Variants in FAM171A1 observed in about 807,000 individuals in gnomAD.
FAM171A1 encodes the protein family with sequence similarity 171 member A1.
FAM171A1 carries 23 observed loss-of-function variants against 74.9 expected under a neutral mutation model. That is an observed-to-expected ratio of 0.31 (90% CI 0.22 to 0.44). The LOEUF (loss-of-function observed/expected upper bound fraction) is 0.44, where lower values mean the gene tolerates loss of function less well. Among genes scored for constraint, FAM171A1 ranks in the 20% least tolerant of loss-of-function variants. The pLI is 1.00. For synonymous variants in FAM171A1, 527 were observed against 505.7 expected, an observed-to-expected ratio of 1.04 and a Z score of -0.57; for missense variants, 1,162 against 1,159.2, an observed-to-expected ratio of 1.00 and a Z score of -0.03.
At chr10:15,296,023 A>C (rs1835157120) in intron 1 of FAM171A1, among the ~76,000 whole-genome samples, 1 of 152,184 alleles carries the variant, frequency 6.6e-6, no homozygotes, top group Non-Finnish European at 1.5e-5. Context: ...TGGTGTTAGA[A>C]TTTTACAATA....
intron 1 of FAM171A1, among the ~76,000 whole-genome samples, chr10:15,290,045 T>C (rs1835084796): frequency 6.6e-6 from 1 of 152,084 alleles, no homozygotes. Context: ...GCGGCCAACA[T>C]AGTGAAACCC....
chr10:15,248,450 G>C (rs558659271), intron 5 of FAM171A1, among the ~76,000 whole-genome samples, 189 bp downstream of exon 5: 24 of 152,290 alleles, frequency 1.6e-4, no homozygotes, highest in African/African-American at 5.5e-4. Flanking sequence ...AACAAAAAAT[G>C]AGTTCCCAAG....
At chr10:15,229,009 A>G (rs61844216) in intron 5 of FAM171A1, among the ~76,000 whole-genome samples, 39,744 of 152,160 alleles carry the variant, frequency 0.26, 6,219 homozygotes, top group South Asian at 0.46. Flanking sequence ...TTTTTCCAGA[A>G]AGAGGCTGCG....
At chr10:15,323,444 ACT>A (rs1225717256) in intron 1 of FAM171A1, among the ~76,000 whole-genome samples, 8 of 152,146 alleles carry the variant, frequency 5.3e-5, no homozygotes, top group Non-Finnish European at 1.2e-4. Context: ...CAAGAGCAAG[ACT>A]CTGTCTCAAA....
At chr10:15,344,481 G>A (rs1477015737) in intron 1 of FAM171A1, among the ~76,000 whole-genome samples, 1 of 152,158 alleles carries the variant, frequency 6.6e-6, no homozygotes, top group African/African-American at 2.4e-5. Context: ...CCCAGGTCAA[G>A]GCTGCAGTGA....
intron 1 of FAM171A1, among the ~76,000 whole-genome samples, chr10:15,288,840 G>C (rs1272719893): frequency 3.7e-4 from 2 of 5,434 alleles, no homozygotes; most frequent in East Asian, 7.8e-3. Flanking sequence ...TTTTTTTTTT[G>C]AGACAGAGTC....
chr10:15,232,586 C>A (rs1156231241), intron 5 of FAM171A1, among the ~76,000 whole-genome samples: 1 of 152,120 alleles, frequency 6.6e-6, no homozygotes, highest in Non-Finnish European at 1.5e-5. Context: ...GAAATCTTCC[C>A]ATTTTTTAAT....
intron 3 of FAM171A1, among the ~76,000 whole-genome samples, chr10:15,267,163 G>C (rs1033111582): frequency 2.0e-5 from 3 of 152,206 alleles, no homozygotes; most frequent in African/African-American, 7.2e-5. Context: ...TCTTGGTAGA[G>C]ATCAACAGGG....
chr10:15,287,392 C>CT lies in FAM171A1; in HGVS notation c.98-3288dup, dbSNP rs140141279. On this transcript the variant is annotated intron_variant, in intron 1 of 7. Transcript: ENST00000378116. ...CAGGTGTGACCCACCGCGCCGGCCTCTTTTTTTTTTTTTTTAGACAGAGTT... is the reference window on the plus strand; with the variant it reads ...CAGGTGTGACCCACCGCGCCGGCCTCTTTTTTTTTTTTTTTTAGACAGAGTT... Among the ~76,000 whole-genome samples, 508 of 130,926 alleles carry CT rather than the reference C, an allele frequency of 3.9e-3. 4 individuals carry two copies. Among genetic ancestry groups the CT allele is most frequent in the South Asian group, 0.018 (70 of 3,970 alleles). 85.9% of individuals were successfully genotyped at this position (130,926 alleles called of 152,430 possible).
intron 1 of FAM171A1, among the ~76,000 whole-genome samples, chr10:15,331,859 G>GTATACA (rs58855042): frequency 8.9e-5 from 4 of 44,928 alleles, no homozygotes; most frequent in African/African-American, 1.7e-4. Context: ...ATATATGTGT[G>GTATACA]TATATATATG....
chr10:15,294,145 C>T (rs183509492), intron 1 of FAM171A1, among the ~76,000 whole-genome samples: 69 of 152,318 alleles, frequency 4.5e-4, no homozygotes, highest in African/African-American at 1.6e-3. Context: ...GAGCCTCCTC[C>T]TCCCACAAGT....
At chr10:15,350,630 T>A (rs1835866515) in intron 1 of FAM171A1, among the ~76,000 whole-genome samples, 1 of 150,376 alleles carries the variant, frequency 6.6e-6, no homozygotes, top group Admixed American at 6.6e-5. Context: ...CGTGAGCCAC[T>A]GCGCCCAGCC....
chr10:15,288,982 G>A (rs1835072587), intron 1 of FAM171A1, among the ~76,000 whole-genome samples: 1 of 151,856 alleles, frequency 6.6e-6, no homozygotes, highest in African/African-American at 2.4e-5. Flanking sequence ...GCCATCACGC[G>A]TGGCTACTTT....
chr10:15,288,732 A>G (rs543872819), intron 1 of FAM171A1, among the ~76,000 whole-genome samples: 1 of 151,676 alleles, frequency 6.6e-6, no homozygotes, highest in South Asian at 2.1e-4. Context: ...AAGTTCTACA[A>G]TTATATACGT....
chr10:15,260,224 G>A (rs1270771854), intron 3 of FAM171A1, among the ~76,000 whole-genome samples: 1 of 152,086 alleles, frequency 6.6e-6, no homozygotes, highest in African/African-American at 2.4e-5. Context: ...CCTCTTCTAT[G>A]TAGTCTGTTA....
At chr10:15,214,650 T>A (rs1388923702) in intron 7 of FAM171A1, 49 bp from the exon 8 acceptor site, 11 of 1,499,490 alleles carry the variant, frequency 7.3e-6, no homozygotes, top group Non-Finnish European at 9.7e-6. Context: ...ATTCTCACAA[T>A]GAAAAAGTTT....
intron 1 of FAM171A1, among the ~76,000 whole-genome samples, chr10:15,316,029 T>C (rs1423225704): frequency 6.6e-6 from 1 of 152,240 alleles, no homozygotes; most frequent in East Asian, 1.9e-4. Context: ...TTATGTTACA[T>C]GTACATTTTT....
intron 1 of FAM171A1, among the ~76,000 whole-genome samples, chr10:15,295,343 C>T (rs986810573): frequency 1.3e-5 from 2 of 152,170 alleles, no homozygotes; most frequent in African/African-American, 4.8e-5. Flanking sequence ...CTCCAAATTC[C>T]AAAACATGTA....
chr10:15,349,347 C>T (rs926594263), intron 1 of FAM171A1, among the ~76,000 whole-genome samples: 1 of 152,214 alleles, frequency 6.6e-6, no homozygotes, highest in African/African-American at 2.4e-5. Context: ...TCAGGAAGGG[C>T]GAGGGCCATG....
Sources: allele counts gnomAD v4.1 joint callset (sites outside exome capture counted in the v4.1 genomes callset), GRCh38; gene constraint gnomAD v4.1.1; transcripts MANE v1.5; gene names NCBI Gene and HGNC (gene_info 2026-07-23, HGNC 2026-07-21).